The following GRIK2 variants were observed in gnomAD, a reference collection of about 807,000 sequenced individuals.
GRIK2 encodes glutamate receptor ionotropic, kainate 2.
GRIK2 carries 32 observed loss-of-function variants against 100.3 expected under a neutral mutation model. The ratio of observed to expected loss-of-function variants is 0.32; its 90% CI spans 0.24 to 0.43. The LOEUF is 0.43. GRIK2 is among the 20% of genes least tolerant of loss of function. GRIK2 has a pLI of 1.00. For synonymous variants in GRIK2, 417 were observed against 389.4 expected (o/e 1.07, Z -0.83); for missense variants, 843 against 1,114.9 (o/e 0.76, Z 3.47).
chr6:101,502,625 T>C (rs961905843), intron 2 of GRIK2, among the ~76,000 whole-genome samples: 1 of 152,138 alleles, frequency 6.6e-6, no homozygotes, highest in African/African-American at 2.4e-5. Context: ...CATAATTACT[T>C]TGAAGAACAG....
At chr6:101,754,961 G>T (rs745571615) in intron 7 of GRIK2, among the ~76,000 whole-genome samples, 1 of 152,132 alleles carries the variant, frequency 6.6e-6, no homozygotes, top group Non-Finnish European at 1.5e-5. Flanking sequence ...GGGAGAATAT[G>T]AACTTGATCC....
At chr6:101,799,273 C>G (rs952105622) in intron 7 of GRIK2, among the ~76,000 whole-genome samples, 10 of 128,590 alleles carry the variant, frequency 7.8e-5, no homozygotes, top group African/African-American at 3.4e-4. Flanking sequence ...TAGCAATGTA[C>G]TCATTGTGTG....
At chr6:102,000,986 T>C (rs1794908311) in intron 14 of GRIK2, among the ~76,000 whole-genome samples, 1 of 152,084 alleles carries the variant, frequency 6.6e-6, no homozygotes, top group Admixed American at 6.6e-5. Flanking sequence ...TGACATTCTT[T>C]ACCTCATATT....
chr6:102,043,388 A>T (rs1176272202), intron 15 of GRIK2, among the ~76,000 whole-genome samples: 2 of 151,674 alleles, frequency 1.3e-5, no homozygotes, highest in South Asian at 2.1e-4. Flanking sequence ...TGTTCCTCTT[A>T]TCTGAGATTT....
chr6:101,813,135 C>CCACATATACACAAACACACACA (rs1402237858), intron 9 of GRIK2, among the ~76,000 whole-genome samples: 9 of 151,490 alleles, frequency 5.9e-5, no homozygotes, highest in Admixed American at 5.9e-4. Flanking sequence ...ATGTAAACAT[C>CCACATATACACAAACACACACA]CACATATACA....
At chr6:101,974,585 A>G (rs572945717) in intron 14 of GRIK2, among the ~76,000 whole-genome samples, 2 of 152,196 alleles carry the variant, frequency 1.3e-5, no homozygotes, top group South Asian at 4.1e-4. Context: ...CGGCAGGGGA[A>G]TGCTACAGTA....
intron 2 of GRIK2, among the ~76,000 whole-genome samples, chr6:101,432,526 A>G (rs1201853352): frequency 6.6e-6 from 1 of 152,208 alleles, no homozygotes; most frequent in African/African-American, 2.4e-5. Context: ...AGGAATACAA[A>G]GATGAATGGG....
At chr6:101,475,696 T>A (rs1010292018) in intron 2 of GRIK2, among the ~76,000 whole-genome samples, 7 of 151,976 alleles carry the variant, frequency 4.6e-5, no homozygotes, top group African/African-American at 1.7e-4. Context: ...TCAATAATCT[T>A]ATGTTTATAT....
chr6:101,977,046 T>C (rs1300941662), intron 14 of GRIK2, among the ~76,000 whole-genome samples: 1 of 151,902 alleles, frequency 6.6e-6, no homozygotes, highest in African/African-American at 2.4e-5. Flanking sequence ...ATGACACAGG[T>C]ACTAATGACT....
At chr6:102,002,208 G>A (rs1582699805) in intron 14 of GRIK2, among the ~76,000 whole-genome samples, 1 of 149,524 alleles carries the variant, frequency 6.7e-6, no homozygotes, top group East Asian at 2.0e-4. Context: ...TGATTTTATT[G>A]GTCTACCTTC....
intron 14 of GRIK2, among the ~76,000 whole-genome samples, chr6:101,978,066 A>G (rs188579758): frequency 2.8e-4 from 42 of 152,070 alleles, no homozygotes; most frequent in African/African-American, 9.4e-4. Flanking sequence ...CCTGCCTGAT[A>G]GGAGGTTTTT....
intron 10 of GRIK2, among the ~76,000 whole-genome samples, chr6:101,844,057 A>G (rs918227100): frequency 2.0e-5 from 3 of 152,200 alleles, no homozygotes; most frequent in African/African-American, 7.2e-5. Flanking sequence ...TTAAATAGAT[A>G]CTAATATGAC....
At chr6:101,609,996 AGGG>A (rs1297767665) in intron 2 of GRIK2, among the ~76,000 whole-genome samples, 1 of 151,738 alleles carries the variant, frequency 6.6e-6, no homozygotes, top group Non-Finnish European at 1.5e-5. Context: ...AGTTTTAAAA[AGGG>A]GGAAACCAAA....
chr6:101,682,410 A>C (rs1289263847), intron 5 of GRIK2, 143 bp from the exon 6 acceptor site: 2 of 587,892 alleles, frequency 3.4e-6, no homozygotes, highest in African/African-American at 3.9e-5. Flanking sequence ...CTGGGAAAAG[A>C]TTTAGTTTAA....
At chr6:101,453,698 G>A (rs934684581) in intron 2 of GRIK2, among the ~76,000 whole-genome samples, 24 of 151,898 alleles carry the variant, frequency 1.6e-4, no homozygotes, top group Non-Finnish European at 8.8e-5. Flanking sequence ...ACCTTTTCTT[G>A]AAATGTCAAT....
chr6:101,767,916 G>A (rs1225267141), intron 7 of GRIK2, among the ~76,000 whole-genome samples: 1 of 151,878 alleles, frequency 6.6e-6, no homozygotes, highest in Non-Finnish European at 1.5e-5. Flanking sequence ...GGAGTGCAGT[G>A]GTGCAATCTC....
intron 7 of GRIK2, among the ~76,000 whole-genome samples, chr6:101,757,530 C>T (rs1777212240): frequency 6.6e-6 from 1 of 152,150 alleles, no homozygotes; most frequent in African/African-American, 2.4e-5. Context: ...CTTCTTTTCT[C>T]AACATGCAGA....
intron 14 of GRIK2, among the ~76,000 whole-genome samples, chr6:101,996,250 C>G (rs535188304): frequency 6.6e-6 from 1 of 152,102 alleles, no homozygotes; most frequent in African/African-American, 2.4e-5. Flanking sequence ...TACTTTTGAT[C>G]TCATTTCCTG....
intron 7 of GRIK2, among the ~76,000 whole-genome samples, chr6:101,711,458 ATC>A (rs1011255948): frequency 6.6e-6 from 1 of 151,780 alleles, no homozygotes; most frequent in Non-Finnish European, 1.5e-5. Context: ...CTTACATATG[ATC>A]TCTCTAAATA....
Sources: gnomAD v4.1 joint callset for allele counts (sites outside exome capture counted in the v4.1 genomes callset) on GRCh38, gnomAD v4.1.1 for gene constraint, MANE v1.5 for transcripts, NCBI Gene and HGNC (gene_info 2026-07-23, HGNC 2026-07-21) for gene names.